The following PTGER3 variants were observed in gnomAD, a reference collection of about 807,000 sequenced individuals.
The protein encoded by PTGER3 is prostaglandin E2 receptor EP3 subtype.
A neutral mutation model predicts 34.7 loss-of-function variants in PTGER3; 22 were observed. The observed-to-expected ratio is 0.63, with a 90% CI of 0.45 to 0.91. The LOEUF is 0.91. Ranked by LOEUF, PTGER3 falls within the 40% of genes least tolerant of loss-of-function variation. The pLI is 0.00. For synonymous variants in PTGER3, 241 were observed against 230.1 expected (o/e 1.05, Z -0.43); for missense variants, 468 against 519.4 (o/e 0.90, Z 0.96).
intron 2 of PTGER3, among the ~76,000 whole-genome samples, chr1:70,985,407 C>T (rs1410384296): frequency 6.6e-6 from 1 of 151,920 alleles, no homozygotes; most frequent in African/African-American, 2.4e-5. Flanking sequence ...TGTTGGAGGC[C>T]AAAAGAGTAA....
At chr1:71,000,958 G>T (rs1007218433) in intron 2 of PTGER3, among the ~76,000 whole-genome samples, 9 of 152,032 alleles carry the variant, frequency 5.9e-5, no homozygotes, top group Non-Finnish European at 5.9e-5. Context: ...TAGAAAATCA[G>T]CATATAATGT....
chr1:70,978,795 C>T (rs2100711541), intron 2 of PTGER3, among the ~76,000 whole-genome samples: 2 of 152,140 alleles, frequency 1.3e-5, no homozygotes, highest in South Asian at 4.2e-4. Flanking sequence ...GGGTAGTGAT[C>T]CCTGTGGGCA....
intron 4 of PTGER3, among the ~76,000 whole-genome samples, chr1:70,876,462 G>A (rs1646275076): frequency 6.6e-6 from 1 of 151,472 alleles, no homozygotes; most frequent in Non-Finnish European, 1.5e-5. Flanking sequence ...ACTAGAGAAT[G>A]GGAGAAAATA....
intron 2 of PTGER3, among the ~76,000 whole-genome samples, chr1:70,990,088 T>G (rs1272566253): frequency 3.3e-5 from 5 of 151,952 alleles, no homozygotes; most frequent in Admixed American, 3.3e-4. Flanking sequence ...GTGTGGTGGC[T>G]CACGGCTGTA....
chr1:70,906,412 G>C (rs1646949692), intron 4 of PTGER3, among the ~76,000 whole-genome samples: 1 of 152,120 alleles, frequency 6.6e-6, no homozygotes, highest in Non-Finnish European at 1.5e-5. Flanking sequence ...TTCTACCACA[G>C]AATTATTAAA....
At position 71,046,863 on chromosome 1, in the gene PTGER3, G is replaced by A. The variant is rs767696491; in HGVS notation, c.715C>T (p.Leu239Phe). The change falls in exon 1 of 4, where the codon CTC becomes TTC. Residue 239 changes from leucine to phenylalanine, a missense_variant. By Grantham distance (22) the Leu-to-Phe change is conservative. This residue lies in a region of PTGER3 where 204 missense variants were observed against 230.8 expected (regional missense o/e 0.88). Coordinates refer to ENST00000306666, the MANE Select transcript of PTGER3 (RefSeq NM_198719.2). ...GAAAAGGTGACTGTCAGCGCCAAGAGCCCCAGGAAGGCAAAGGCAGAGGCG... is the reference window on the plus strand; with the variant it reads ...GAAAAGGTGACTGTCAGCGCCAAGAACCCCAGGAAGGCAAAGGCAGAGGCG... ...FFASAFAFLGLLALTVTFSCN... is the reference protein window; with the variant it reads ...FFASAFAFLGFLALTVTFSCN... 8.7e-6 allele frequency: 14 copies of A among 1,614,008 alleles called. No individual in the cohort carries two copies. The highest frequency in any genetic ancestry group is 2.2e-5 in the East Asian group (1 of 44,870).
chr1:70,886,133 G>A (rs1646494164), intron 4 of PTGER3: 1 of 261,988 alleles, frequency 3.8e-6, no homozygotes, highest in Non-Finnish European at 8.1e-6. Context: ...GAGATAACTG[G>A]GTCATGAAGG....
At chr1:70,908,110 T>C (rs1646987349) in intron 4 of PTGER3, among the ~76,000 whole-genome samples, 1 of 152,178 alleles carries the variant, frequency 6.6e-6, no homozygotes, top group Non-Finnish European at 1.5e-5. Flanking sequence ...CTTTGTCTGC[T>C]TGTGCAATAG....
rs552814678 is a variant in PTGER3, at chr1:70,985,539, G to A, written c.1078-11151C>T. ...TATGCCACCCAGAAGGACTACAGGA[G>A]GGCAGTCACAATCCAGGCACAAGTG... On this transcript the variant is annotated intron_variant, in intron 2 of 3. Coordinates refer to ENST00000306666, the MANE Select transcript of PTGER3 (RefSeq NM_198719.2). Among the ~76,000 whole-genome samples, 8 of 152,230 alleles carry A rather than the reference G, an allele frequency of 5.3e-5. No homozygotes were observed. In the South Asian group the frequency reaches 1.5e-3, roughly 28 times the overall value.
chr1:70,908,524 C>T (rs565066496), intron 4 of PTGER3, among the ~76,000 whole-genome samples: 1 of 152,312 alleles, frequency 6.6e-6, no homozygotes, highest in African/African-American at 2.4e-5. Context: ...TAAGTGATAA[C>T]TGACTCAATA....
chr1:70,949,489 A>G (rs1320760422), downstream of PTGER3, among the ~76,000 whole-genome samples: 3 of 152,202 alleles, frequency 2.0e-5, no homozygotes, highest in East Asian at 5.8e-4. Flanking sequence ...AAATAGTTCA[A>G]AAGAGTACAG....
At chr1:70,896,714 G>T (rs1646728429) in intron 4 of PTGER3, among the ~76,000 whole-genome samples, 1 of 152,118 alleles carries the variant, frequency 6.6e-6, no homozygotes, top group African/African-American at 2.4e-5. Flanking sequence ...AGGGGTGGCT[G>T]CAAGGTCCCA....
chr1:70,871,340 C>A (rs774517924), intron 4 of PTGER3, among the ~76,000 whole-genome samples: 14 of 152,164 alleles, frequency 9.2e-5, no homozygotes, highest in Non-Finnish European at 1.8e-4. Context: ...CACCACCAAG[C>A]CATGATGGAT....
chr1:70,952,845 A>G, exon 4 of PTGER3: 1 of 1,484,998 alleles, frequency 6.7e-7, no homozygotes, highest in Non-Finnish European at 9.0e-7. Context: ...TTAGAGTCAC[A>G]AACTCAGCTG....
chr1:70,974,310 C>G lies in PTGER3; in HGVS notation c.1156G>C (p.Asp386His), dbSNP rs137935565. 1 of 1,593,188 alleles carries G rather than the reference C, an allele frequency of 6.3e-7. No homozygotes were observed. The highest frequency in any genetic ancestry group is 8.6e-7 in the Non-Finnish European group (1 of 1,161,364). ...TCTAAATCTCACCTTTCCAAATGGT[C>G]GCTCCACATCAAGGTTGAGGAACAC... ...CQCSSTLMWS[D>H]HLER is the part of the protein sequence containing the mutation. The change falls in exon 3 of 4, where the codon GAC (aspartate) becomes CAC (histidine). Residue 386 changes from aspartate (D) to histidine (H), a missense_variant. By Grantham distance (81) the Asp-to-His change is moderately conservative (BLOSUM62 -1). Around this residue, in one of 5 missense-constraint regions of PTGER3, gnomAD observed 57 missense variants for 43.8 expected, o/e 1.30. Transcript: ENST00000306666.
chr1:70,958,150 A>G (rs1651549686), intron 2 of PTGER3, among the ~76,000 whole-genome samples: 1 of 152,182 alleles, frequency 6.6e-6, no homozygotes, highest in South Asian at 2.1e-4. Flanking sequence ...GAATAGCACT[A>G]TAATAAACAT....
chr1:70,948,788 T>C (rs1011754825), downstream of PTGER3, among the ~76,000 whole-genome samples: 1 of 152,110 alleles, frequency 6.6e-6, no homozygotes, highest in Non-Finnish European at 1.5e-5. Flanking sequence ...TTCATCTGAA[T>C]TGTGAAATGC....
intron 2 of PTGER3, among the ~76,000 whole-genome samples, chr1:70,986,488 G>A (rs755969310): frequency 1.1e-4 from 16 of 152,060 alleles, no homozygotes; most frequent in Admixed American, 4.6e-4. Flanking sequence ...GTGCCTCAAG[G>A]GTCTTCTGTG....
intron 4 of PTGER3, among the ~76,000 whole-genome samples, chr1:70,932,152 A>G (rs583691): frequency 0.47 from 71,046 of 152,034 alleles, 18,830 homozygotes; most frequent in East Asian, 0.71. Flanking sequence ...TTGCTAAAAC[A>G]TAACAAGGAT....
Sources: gnomAD v4.1 joint callset for allele counts (sites outside exome capture counted in the v4.1 genomes callset) on GRCh38, gnomAD v4.1.1 for gene constraint, gnomAD v4.1.1 regional missense constraint, MANE v1.5 for transcripts, NCBI Gene and HGNC (gene_info 2026-07-23, HGNC 2026-07-21) for gene names.